Variants in SLC1A2 observed in about 807,000 individuals in gnomAD.
SLC1A2 encodes the protein solute carrier family 1 member 2, also known as excitatory amino acid transporter 2.
A neutral mutation model predicts 48.8 loss-of-function variants in SLC1A2; 15 were observed. That is an observed-to-expected ratio of 0.31 (90% CI 0.21 to 0.47). The LOEUF (loss-of-function observed/expected upper bound fraction) is 0.47, where lower values mean the gene tolerates loss of function less well. SLC1A2 is among the 20% of genes least tolerant of loss of function. The pLI, the probability that SLC1A2 is intolerant of heterozygous loss-of-function variation, is 0.99. For missense variants in SLC1A2, 502 were observed against 730.5 expected (o/e 0.69, Z 3.61); for synonymous variants, 279 against 272.6 (o/e 1.02, Z -0.23).
chr11:35,412,082 G>T (rs905795524), intron 1 of SLC1A2, among the ~76,000 whole-genome samples: 1 of 149,952 alleles, frequency 6.7e-6, no homozygotes, highest in Non-Finnish European at 1.5e-5. Flanking sequence ...GCAAAGGAAG[G>T]ATCCATGAAA....
chr11:35,362,278 C>G (rs1314025596), intron 1 of SLC1A2, among the ~76,000 whole-genome samples: 1 of 152,234 alleles, frequency 6.6e-6, no homozygotes, highest in African/African-American at 2.4e-5. Context: ...TCATAGCTGT[C>G]TCTGGCCCCT....
At chr11:35,282,129 A>C (rs116010700) in intron 8 of SLC1A2, among the ~76,000 whole-genome samples, 1,726 of 152,110 alleles carry the variant, frequency 0.011, 33 homozygotes, top group African/African-American at 0.039. Context: ...TATTGCCATC[A>C]TTCCCAGGTT....
Position 35,251,713 on chromosome 11 carries a change from C to T in SLC1A2, c.*9181G>A, listed in dbSNP as rs962189316. 2.0e-5 allele frequency: 3 copies of T among 152,596 alleles called. No homozygotes were observed. The highest frequency in any genetic ancestry group is 7.2e-5 in the African/African-American group (3 of 41,440). 9.5% of individuals were successfully genotyped at this position (152,596 alleles called of 1,614,324 possible). A position where few individuals can be genotyped will look rare whatever the true frequency, so the allele number is the denominator to read the frequency against. ...CATTTTCAAGGAAAAATTAGCCTGT[C>T]CACCATATCTCCTCATATGAAGCAG... is the stretch of plus-strand genomic sequence containing the variant. On this transcript the variant is annotated 3_prime_UTR_variant, in exon 11 of 11. Coordinates refer to ENST00000278379, the MANE Select transcript of SLC1A2 (RefSeq NM_004171.4).
At chr11:35,303,927 C>G (rs2134815108) in intron 5 of SLC1A2, among the ~76,000 whole-genome samples, 1 of 152,244 alleles carries the variant, frequency 6.6e-6, no homozygotes, top group East Asian at 1.9e-4. Flanking sequence ...ATAAAAAAGC[C>G]ACTATCTCCA....
At chr11:35,408,512 A>AT in intron 1 of SLC1A2, among the ~76,000 whole-genome samples, 1 of 152,202 alleles carries the variant, frequency 6.6e-6, no homozygotes, top group Non-Finnish European at 1.5e-5. Flanking sequence ...TGCTGCCGCC[A>AT]TGTAAGAAAT....
rs781125652 is a variant in SLC1A2, at chr11:35,301,564, T to C, written c.812A>G (p.Asn271Ser). ...CTTCATTACAATCTCATTCAAAATG[T>C]TGAAGAAATCCACCATCAGCTTGGC... ...DQAKLMVDFF[N>S]ILNEIVMKLV... Residue 271 changes from asparagine (N) to serine (S), a missense_variant, in exon 6 of 11, where the codon AAC becomes AGC. Transcript: ENST00000278379. 2 of 1,613,788 alleles carry C rather than the reference T, an allele frequency of 1.2e-6. No homozygotes were observed. The highest frequency in any genetic ancestry group is 2.2e-5 in the East Asian group (1 of 44,854).
At chr11:35,301,132 C>T (rs1851342256) in intron 6 of SLC1A2, among the ~76,000 whole-genome samples, 1 of 152,120 alleles carries the variant, frequency 6.6e-6, no homozygotes, top group Non-Finnish European at 1.5e-5. Flanking sequence ...CCTTATCAGA[C>T]CCAACCATAC....
intron 1 of SLC1A2, among the ~76,000 whole-genome samples, chr11:35,367,081 G>A (rs916497817): frequency 1.3e-5 from 2 of 152,092 alleles, no homozygotes; most frequent in Non-Finnish European, 2.9e-5. Flanking sequence ...CTCATCTAAG[G>A]GTAAAAATCA....
At chr11:35,261,942 C>T (rs576583929) in intron 10 of SLC1A2, 2 of 386,524 alleles carry the variant, frequency 5.2e-6, no homozygotes, top group South Asian at 1.4e-4. Flanking sequence ...CCATTAGCCC[C>T]CCAATTTTTT....
chr11:35,410,659 C>A (rs567429771), intron 1 of SLC1A2, among the ~76,000 whole-genome samples: 2 of 152,280 alleles, frequency 1.3e-5, no homozygotes, highest in South Asian at 4.1e-4. Flanking sequence ...CAACCCCAAG[C>A]CTTGCCCTGT....
At chr11:35,407,895 C>A (rs1009215486) in intron 1 of SLC1A2, among the ~76,000 whole-genome samples, 1 of 152,192 alleles carries the variant, frequency 6.6e-6, no homozygotes, top group Admixed American at 6.5e-5. Flanking sequence ...ATGCTGTGTG[C>A]GGGTGAGCTC....
intron 9 of SLC1A2, among the ~76,000 whole-genome samples, chr11:35,279,068 T>C (rs115383848): frequency 0.011 from 1,681 of 152,316 alleles, 33 homozygotes; most frequent in African/African-American, 0.038. Flanking sequence ...TGCCAATAAA[T>C]GTCAGAAAAT....
intron 6 of SLC1A2, among the ~76,000 whole-genome samples, chr11:35,295,069 A>G (rs971742262): frequency 6.6e-6 from 1 of 151,838 alleles, no homozygotes; most frequent in African/African-American, 2.4e-5. Context: ...ATATTTTGAG[A>G]CAGAGTCTTG....
chr11:35,349,883 AG>A (rs1007262570), intron 1 of SLC1A2, among the ~76,000 whole-genome samples: 6 of 152,174 alleles, frequency 3.9e-5, no homozygotes, highest in Admixed American at 3.9e-4. Flanking sequence ...TTTTCCAGCA[AG>A]GAGTAGGAGT....
intron 1 of SLC1A2, among the ~76,000 whole-genome samples, chr11:35,343,025 T>C (rs953148965): frequency 3.9e-5 from 6 of 152,210 alleles, no homozygotes; most frequent in Admixed American, 2.0e-4. Flanking sequence ...AACTGGAGTT[T>C]GCAAGAGGGA....
At chr11:35,418,197 T>C (rs1001896006) in intron 1 of SLC1A2, among the ~76,000 whole-genome samples, 9 of 152,122 alleles carry the variant, frequency 5.9e-5, no homozygotes, top group Admixed American at 1.3e-4. Context: ...CTAAAGACAA[T>C]TGTCTTTAGT....
Position 35,339,640 on chromosome 11 carries a change from T to C in SLC1A2, c.18-22124A>G, listed in dbSNP as rs1852766632. Among the ~76,000 whole-genome samples the C allele has an allele frequency of 2.0e-5, 3 of 152,158 alleles. No individual in the cohort carries two copies. In the South Asian group the frequency reaches 6.2e-4, roughly 32 times the overall value. On this transcript the variant is annotated intron_variant, in intron 1 of 10. Coordinates refer to ENST00000278379, the MANE Select transcript of SLC1A2 (RefSeq NM_004171.4). ...AATGGATTCAAGCATTTTTTAATGA[T>C]TTTCAACCATGAGAGTTGAGCATAA...
In SLC1A2 at chr11:35,255,776, G is replaced by A. The variant is rs1950307431; in HGVS notation, c.*5118C>T. The A allele has an allele frequency of 6.6e-6, 1 of 152,192 alleles. No individual in the cohort carries two copies. The highest frequency in any genetic ancestry group is 6.5e-5 in the Admixed American group (1 of 15,272). The allele number at this position is 152,192 out of a possible 1,614,324, so 9.4% of individuals were successfully genotyped here. A position where few individuals can be genotyped will look rare whatever the true frequency, so the allele number is the denominator to read the frequency against. On this transcript the variant is annotated 3_prime_UTR_variant, in exon 11 of 11. Transcript: ENST00000278379. ...CCAAATCACTACTTCTATTAGGAAG[G>A]TGAGTTTAAGTCAAGGGAACTTTTA...
intron 10 of SLC1A2, 66 bp from the exon 11 acceptor site, chr11:35,261,031 T>C (rs1221150942): frequency 5.2e-6 from 6 of 1,145,674 alleles, no homozygotes; most frequent in African/African-American, 3.0e-5. Flanking sequence ...CTGTGGGTTA[T>C]GTGGAGAAGC....
Sources: allele counts gnomAD v4.1 joint callset (sites outside exome capture counted in the v4.1 genomes callset), GRCh38; gene constraint gnomAD v4.1.1; transcripts MANE v1.5; gene names NCBI Gene and HGNC (gene_info 2026-07-23, HGNC 2026-07-21).